The following BARD1 variants were observed in gnomAD, a reference collection of about 807,000 sequenced individuals.
BARD1 encodes BRCA1-associated RING domain protein 1.
In BARD1, 73 loss-of-function variants were observed where a neutral mutation model predicts 77.0. The observed-to-expected ratio is 0.95, with a 90% CI of 0.79 to 1.15. The LOEUF is 1.15. Among genes scored for constraint, BARD1 ranks in the 50% most tolerant of loss-of-function variants. The pLI, the probability that BARD1 is intolerant of heterozygous loss-of-function variation, is 0.00. For synonymous variants in BARD1, 384 were observed against 338.0 expected (o/e 1.14, Z -1.49); for missense variants, 993 against 938.8 (o/e 1.06, Z -0.75).
chr2:214,728,966 T>C lies in BARD1; in HGVS notation c.2044A>G (p.Thr682Ala), dbSNP rs749485640. Residue 682 changes from threonine to alanine, a missense_variant, in exon 11 of 11, where the codon ACC becomes GCC. Thr to Ala is a moderately conservative substitution (Grantham distance 58). Coordinates refer to ENST00000260947, the MANE Select transcript of BARD1 (RefSeq NM_000465.4). ...FDGCYFYLWG[T>A]FKHHPKDNLI... ...TTGTCCTTTGGATGGTGTTTGAAGG[T>C]TCCCCACAAATAGAAGTAGCATCCA... 1.2e-6 allele frequency: 2 copies of C among 1,614,102 alleles called. No homozygotes were observed. The highest frequency in any genetic ancestry group is 4.5e-5 in the East Asian group (2 of 44,882).
In BARD1 at chr2:214,786,822, T is replaced by C. The variant is rs561167948; in HGVS notation, c.365-5313A>G. ...TGAACATGACCTGGTCCACAAAGTG[T>C]TATTAAGACAGGATCTTGGAAAGTA... On this transcript the variant is annotated intron_variant, in intron 3 of 10. Coordinates refer to ENST00000260947, the MANE Select transcript of BARD1 (RefSeq NM_000465.4). Among the ~76,000 whole-genome samples the C allele has an allele frequency of 2.3e-4, 35 of 152,050 alleles. No homozygotes were observed. The South Asian group carries it at 7.0e-3, about 31-fold the overall frequency.
intron 1 of BARD1, 124 bp from the exon 2 acceptor site, chr2:214,797,241 G>A (rs1356039474): frequency 1.2e-6 from 1 of 814,020 alleles, no homozygotes; most frequent in African/African-American, 1.7e-5. Flanking sequence ...AAGGTATTAA[G>A]GATGCATTCA....
intron 1 of BARD1, among the ~76,000 whole-genome samples, chr2:214,800,740 A>C (rs1314251892): frequency 6.6e-6 from 1 of 152,210 alleles, no homozygotes; most frequent in Non-Finnish European, 1.5e-5. Context: ...GAGATTTAAG[A>C]AATAATAAAA....
chr2:214,762,992 A>T (rs1188665944), intron 6 of BARD1, among the ~76,000 whole-genome samples: 2 of 150,490 alleles, frequency 1.3e-5, no homozygotes, highest in Non-Finnish European at 2.9e-5. Context: ...GTGAAGGAGG[A>T]GGTTTTCAAC....
Position 214,769,306 on chromosome 2 carries a change from T to A in BARD1, c.1321A>T (p.Ile441Leu). Residue 441 changes from isoleucine (I) to leucine (L), a missense_variant, in exon 5 of 11, where the codon ATA becomes TTA. Physicochemically the swap from Ile to Leu is conservative, Grantham distance 5. Transcript: ENST00000260947. Reference protein sequence around the residue: ...LLHIASIKGDIPSVEYLLQNG... With the variant: ...LLHIASIKGDLPSVEYLLQNG... ...TGTAAAAGGTATTCAACAGAAGGTA[T>A]GTCGCCCTAGAAAAATGAACAAAAC... 2 of 1,612,736 alleles carry A rather than the reference T, an allele frequency of 1.2e-6. No homozygotes were observed. The highest frequency in any genetic ancestry group is 1.7e-6 in the Non-Finnish European group (2 of 1,178,804).
At chr2:214,782,494 A>G (rs1489703087) in intron 3 of BARD1, among the ~76,000 whole-genome samples, 1 of 151,580 alleles carries the variant, frequency 6.6e-6, no homozygotes. Context: ...TATATAAAAT[A>G]CTTTTTAAAA....
chr2:214,797,060 C>A lies in BARD1; in HGVS notation c.215+1G>T. 1 of 1,608,724 alleles carries A rather than the reference C, an allele frequency of 6.2e-7. No homozygotes were observed. The highest frequency in any genetic ancestry group is 8.5e-7 in the Non-Finnish European group (1 of 1,175,312). ...ATATACATCAAACCGTAATTACTTA[C>A]CTACAGAAGATGTGCTCACATCCTC... On this transcript the variant is annotated splice_donor_variant, in intron 2 of 10. Transcript: ENST00000260947. LOFTEE classifies it high-confidence loss of function.
chr2:214,745,906 A>G, intron 7 of BARD1, 52 bp from the exon 8 acceptor site: 6 of 1,592,218 alleles, frequency 3.8e-6, no homozygotes, highest in Non-Finnish European at 5.2e-6. Flanking sequence ...CGACTAGACA[A>G]AGACATTAAA....
At position 214,780,592 on chromosome 2, in the gene BARD1, CTCT is replaced by C. The variant is rs1378231954; in HGVS notation, c.1279_1281del (p.Arg427del). On this transcript the variant is annotated inframe_deletion, in exon 4 of 11. Coordinates refer to ENST00000260947, the MANE Select transcript of BARD1 (RefSeq NM_000465.4). ...GAAGCAATATGGAGCAAAGTCTCTC[CTCT>C]ATGATTTCTTTTCACAGCCATATTG... 6.2e-7 allele frequency: 1 copy of C among 1,613,852 alleles called. No homozygotes were observed. The highest frequency in any genetic ancestry group is 8.5e-7 in the Non-Finnish European group (1 of 1,179,936).
At position 214,728,655 on chromosome 2, in the gene BARD1, A is replaced by G; in HGVS notation, c.*21T>C. ...CACAAACCGTGCAAATTCAATTTGA[A>G]ATGTTCATCTGGTATAATATTCAGC... On this transcript the variant is annotated 3_prime_UTR_variant, in exon 11 of 11. Coordinates refer to ENST00000260947, the MANE Select transcript of BARD1 (RefSeq NM_000465.4). 6.2e-7 allele frequency: 1 copy of G among 1,613,094 alleles called. No individual in the cohort carries two copies. The highest frequency in any genetic ancestry group is 8.5e-7 in the Non-Finnish European group (1 of 1,179,298).
At chr2:214,753,723 G>GAAA (rs1402754256) in intron 6 of BARD1, among the ~76,000 whole-genome samples, 2 of 152,118 alleles carry the variant, frequency 1.3e-5, no homozygotes, top group African/African-American at 4.8e-5. Flanking sequence ...TGACCTTGGT[G>GAAA]AAAACTGTTT....
At chr2:214,735,195 T>C (rs755880760) in intron 9 of BARD1, among the ~76,000 whole-genome samples, 2 of 152,150 alleles carry the variant, frequency 1.3e-5, no homozygotes, top group African/African-American at 2.4e-5. Context: ...CACATCACCA[T>C]CTTCTTGAGC....
intron 6 of BARD1, among the ~76,000 whole-genome samples, chr2:214,766,192 C>T (rs926769529): frequency 6.6e-6 from 1 of 152,148 alleles, no homozygotes; most frequent in African/African-American, 2.4e-5. Context: ...CTTGACAATG[C>T]CAATTTTAAA....
intron 4 of BARD1, among the ~76,000 whole-genome samples, chr2:214,769,881 C>G (rs1359858208): frequency 6.6e-6 from 1 of 152,312 alleles, no homozygotes; most frequent in East Asian, 1.9e-4. Context: ...ATAAAGGACA[C>G]TGGCCAAAGA....
At chr2:214,764,579 C>G (rs6706323) in intron 6 of BARD1, among the ~76,000 whole-genome samples, 4 of 151,978 alleles carry the variant, frequency 2.6e-5, no homozygotes, top group African/African-American at 9.7e-5. Context: ...CTGTGAAGAC[C>G]GATGAGAACA....
intron 1 of BARD1, among the ~76,000 whole-genome samples, chr2:214,804,531 C>A (rs1256631566): frequency 6.6e-6 from 1 of 152,094 alleles, no homozygotes; most frequent in African/African-American, 2.4e-5. Context: ...ATGATTTGTG[C>A]CTTTTCTGTA....
intron 6 of BARD1, among the ~76,000 whole-genome samples, chr2:214,757,497 G>A (rs1254920238): frequency 1.3e-5 from 2 of 152,030 alleles, no homozygotes; most frequent in Non-Finnish European, 2.9e-5. Flanking sequence ...TGTTACTGAT[G>A]TTGATAGAAC....
chr2:214,727,527 T>C lies in BARD1; in HGVS notation c.*1149A>G, dbSNP rs1348815472. On this transcript the variant is annotated 3_prime_UTR_variant, in exon 11 of 11. Coordinates refer to ENST00000260947, the MANE Select transcript of BARD1 (RefSeq NM_000465.4). ...AAATAATCTAATGTATCCTTGTCGA[T>C]TCATGAATGAGAGCACCCAGAGCAG... The C allele has an allele frequency of 4.3e-6, 1 of 231,974 alleles. No individual in the cohort carries two copies. The highest frequency in any genetic ancestry group is 6.1e-5 in the East Asian group (1 of 16,446). The allele number at this position is 231,974 out of a possible 1,614,324, so 14.4% of individuals were successfully genotyped here.
At position 214,726,203 on chromosome 2, in the gene BARD1, A is replaced by G. The variant is rs914393702; in HGVS notation, c.*2473T>C. The stretch of plus-strand genomic sequence containing the variant: ...CTAATATACTTCCCATCTGGTTTCT[A>G]TTTTTCAGCAAGTCAAAAGAAAAAA... On this transcript the variant is annotated 3_prime_UTR_variant, in exon 11 of 11. Transcript: ENST00000260947. 9.5e-6 allele frequency: 2 copies of G among 210,414 alleles called. No homozygotes were observed. The highest frequency in any genetic ancestry group is 2.3e-5 in the African/African-American group (1 of 44,076). The allele number at this position is 210,414 out of a possible 1,614,324, so 13.0% of individuals were successfully genotyped here. A position where few individuals can be genotyped will look rare whatever the true frequency, so the allele number is the denominator to read the frequency against.
Sources: allele counts gnomAD v4.1 joint callset (sites outside exome capture counted in the v4.1 genomes callset), GRCh38; gene constraint gnomAD v4.1.1; transcripts MANE v1.5; gene names NCBI Gene and HGNC (gene_info 2026-07-23, HGNC 2026-07-21).